RNF125: variants seen among roughly 807,000 people sequenced by gnomAD.
RNF125 encodes E3 ubiquitin-protein ligase RNF125.
RNF125 carries 21 observed loss-of-function variants against 26.0 expected under a neutral mutation model. The observed-to-expected ratio is 0.81, with a 90% CI of 0.57 to 1.16. The LOEUF is 1.16. Ranked by LOEUF, RNF125 falls within the 50% of genes most tolerant of loss-of-function variation. RNF125 has a pLI of 0.00. For synonymous variants in RNF125, 95 were observed against 109.2 expected (o/e 0.87, Z 0.81); for missense variants, 270 against 299.4 (o/e 0.90, Z 0.72).
rs2039524806 is a variant in RNF125 at position 32,070,545 on chromosome 18, C to T, written c.*2161C>T. 1 of 152,156 alleles carries T rather than the reference C, an allele frequency of 6.6e-6. No individual in the cohort carries two copies. Among genetic ancestry groups the T allele is most frequent in the Non-Finnish European group, 1.5e-5 (1 of 68,040 alleles). The allele number at this position is 152,156 out of a possible 1,614,324, so 9.4% of individuals were successfully genotyped here. A position where few individuals can be genotyped will look rare whatever the true frequency, so the allele number is the denominator to read the frequency against. ...TACTGAAAGTCCTGGTTTTCAAGAACACAGGGCACGATAGAATTAGAACAT... is the reference window on the plus strand; with the variant it reads ...TACTGAAAGTCCTGGTTTTCAAGAATACAGGGCACGATAGAATTAGAACAT... On this transcript the variant is annotated 3_prime_UTR_variant, in exon 6 of 6. Coordinates refer to ENST00000217740, the MANE Select transcript of RNF125 (RefSeq NM_017831.4).
intron 4 of RNF125, among the ~76,000 whole-genome samples, chr18:32,046,016 T>A (rs2039266761): frequency 6.6e-6 from 1 of 151,568 alleles, no homozygotes; most frequent in Admixed American, 6.6e-5. Context: ...AGATCTAAGT[T>A]TACCAGCTGG....
rs1241357691 is a variant in RNF125, at chr18:32,069,157, C to T, written c.*773C>T. The T allele has an allele frequency of 4.1e-5, 6 of 145,172 alleles. No individual in the cohort carries two copies. Among genetic ancestry groups the T allele is most frequent in the African/African-American group, 1.6e-4 (6 of 38,686 alleles). The allele number at this position is 145,172 out of a possible 1,614,324, so 9.0% of individuals were successfully genotyped here. A position where few individuals can be genotyped will look rare whatever the true frequency, so the allele number is the denominator to read the frequency against. ...CAGAGGTTACAGTGAGCTGAGATCGCACCAGTACACTCCAGCCTGGGTAAC... is the reference window on the plus strand; with the variant it reads ...CAGAGGTTACAGTGAGCTGAGATCGTACCAGTACACTCCAGCCTGGGTAAC... On this transcript the variant is annotated 3_prime_UTR_variant, in exon 6 of 6. Transcript: ENST00000217740.
In RNF125 at chr18:32,042,188, A is replaced by C; in HGVS notation, c.328A>C (p.Ser110Arg). Residue 110 changes from serine to arginine, a missense_variant, in exon 3 of 6, where the codon AGT becomes CGT. Ser to Arg is a moderately radical substitution (Grantham distance 110, BLOSUM62 -1). Coordinates refer to ENST00000217740, the MANE Select transcript of RNF125 (RefSeq NM_017831.4). ...ATTTGTTTTTATGTAGGTTTGCCTC[A>C]GTGAAATGAGGGCACATATTCGGAC... ...CAECDTLVCLSEMRAHIRTCQ... is the reference protein window; with the variant it reads ...CAECDTLVCLREMRAHIRTCQ... The C allele has an allele frequency of 6.2e-7, 1 of 1,612,308 alleles. No homozygotes were observed. Among genetic ancestry groups the C allele is most frequent in the Non-Finnish European group, 8.5e-7 (1 of 1,178,596 alleles).
intron 3 of RNF125, among the ~76,000 whole-genome samples, chr18:32,043,010 G>A (rs914791757): frequency 3.4e-4 from 52 of 151,614 alleles, no homozygotes; most frequent in African/African-American, 1.1e-3. Context: ...TTAGCTGGGC[G>A]TGGTGGCGCA....
rs1201999709 is a variant in RNF125 at position 32,072,121 on chromosome 18, A to C, written c.*3737A>C. The C allele has an allele frequency of 6.6e-6, 1 of 152,276 alleles. No homozygotes were observed. The highest frequency in any genetic ancestry group is 1.5e-5 in the Non-Finnish European group (1 of 68,094). The allele number at this position is 152,276 out of a possible 1,614,324, so 9.4% of individuals were successfully genotyped here. Reference sequence around the variant, plus strand: ...GAGGCTGAGGTTGGAGGATCACTTGAGCCTAGGAGGTCAACACTGCAGTGA... The same window carrying C: ...GAGGCTGAGGTTGGAGGATCACTTGCGCCTAGGAGGTCAACACTGCAGTGA... On this transcript the variant is annotated 3_prime_UTR_variant, in exon 6 of 6. Transcript: ENST00000217740.
intron 4 of RNF125, among the ~76,000 whole-genome samples, chr18:32,051,658 T>C (rs1307868803): frequency 1.4e-5 from 2 of 147,294 alleles, no homozygotes; most frequent in East Asian, 4.0e-4. Context: ...CCATTCACCC[T>C]GATTCAGGGG....
At chr18:32,076,143 GC>G (rs1295491315), downstream of RNF125, 12 of 578,950 alleles carry the variant, frequency 2.1e-5, no homozygotes, top group Admixed American at 4.7e-5. Context: ...ATGTAACCAT[GC>G]TTCATTATCA....
chr18:32,039,067 A>G (rs2039190593), intron 2 of RNF125, among the ~76,000 whole-genome samples: 1 of 147,296 alleles, frequency 6.8e-6, no homozygotes, highest in Admixed American at 6.8e-5. Context: ...TGCCCAGCCC[A>G]GGATTGTATC....
At position 32,068,783 on chromosome 18, in the gene RNF125, A is replaced by AC. The variant is rs2039507669; in HGVS notation, c.*400dup. On this transcript the variant is annotated 3_prime_UTR_variant, in exon 6 of 6. Coordinates refer to ENST00000217740, the MANE Select transcript of RNF125 (RefSeq NM_017831.4). Reference sequence around the variant, plus strand: ...TGTGTAAAAAAATATGGAGAGTGAAACAAAGTGCAGACATTCAAAGAAATA... The same window carrying AC: ...TGTGTAAAAAAATATGGAGAGTGAAACCAAAGTGCAGACATTCAAAGAAATA... 1.3e-5 allele frequency: 2 copies of AC among 157,448 alleles called. No homozygotes were observed. Among genetic ancestry groups the AC allele is most frequent in the African/African-American group, 4.8e-5 (2 of 41,564 alleles). 9.8% of individuals were successfully genotyped at this position (157,448 alleles called of 1,614,324 possible).
chr18:32,023,712 C>G lies in RNF125; in HGVS notation c.164+4685C>G, dbSNP rs568671123. On this transcript the variant is annotated intron_variant, in intron 1 of 5. Transcript: ENST00000217740. ...TATATTGCCATGAAATAGGAATACT[C>G]AAAACCCAGTTTGTGAATCCAAAGA... Among the ~76,000 whole-genome samples, 5 of 152,258 alleles carry G rather than the reference C, an allele frequency of 3.3e-5. No homozygotes were observed. The East Asian group carries it at 5.8e-4, about 18-fold the overall frequency.
In RNF125 at chr18:32,037,270, G is replaced by T; in HGVS notation, c.318+1G>T. 6.4e-7 allele frequency: 1 copy of T among 1,552,428 alleles called. No individual in the cohort carries two copies. The highest frequency in any genetic ancestry group is 1.4e-5 in the African/African-American group (1 of 71,302). On this transcript the variant is annotated splice_donor_variant, in intron 2 of 5. Transcript: ENST00000217740. LOFTEE classifies it high-confidence loss of function. The stretch of plus-strand genomic sequence containing the variant: ...GAACTGCGCTGAGTGTGACACCCTG[G>T]TATGTATGTGACCCCACCTATTTTC...
chr18:32,075,630 T>C (rs1438933762), downstream of RNF125, among the ~76,000 whole-genome samples: 2 of 145,978 alleles, frequency 1.4e-5, no homozygotes, highest in Admixed American at 7.2e-5. Flanking sequence ...GAGGTGGAGG[T>C]TGCAGTGAGC....
Position 32,033,285 on chromosome 18 carries a change from C to T in RNF125, c.165-3831C>T, listed in dbSNP as rs1011768193. On this transcript the variant is annotated intron_variant, in intron 1 of 5. Transcript: ENST00000217740. ...TTGTCAAAGTCAGGGAATCCCTTCT[C>T]CTGGGAGCCAAGAGGAAGCCTCTCA... Among the ~76,000 whole-genome samples the T allele has an allele frequency of 6.6e-5, 10 of 151,936 alleles. 1 individual carries two copies. Among genetic ancestry groups the T allele is most frequent in the Admixed American group, 6.6e-4 (10 of 15,252 alleles).
chr18:32,063,195 G>A (rs2144511984), intron 4 of RNF125, among the ~76,000 whole-genome samples: 1 of 147,736 alleles, frequency 6.8e-6, no homozygotes, highest in South Asian at 2.1e-4. Flanking sequence ...ACTCCAGCCT[G>A]GGCAACAAGA....
chr18:32,042,032 T>A (rs2039225708), intron 2 of RNF125, 147 bp from the exon 3 acceptor site: 1 of 638,220 alleles, frequency 1.6e-6, no homozygotes, highest in South Asian at 1.7e-5. Flanking sequence ...TGCCTTAATT[T>A]TTGGTGGTAC....
chr18:32,045,316 T>C (rs1442919147), intron 3 of RNF125, among the ~76,000 whole-genome samples: 5 of 152,002 alleles, frequency 3.3e-5, no homozygotes, highest in African/African-American at 9.7e-5. Flanking sequence ...CCCAGCACTT[T>C]GGGAGGCCGA....
At chr18:32,050,960 C>T (rs1468770889) in intron 4 of RNF125, among the ~76,000 whole-genome samples, 4 of 129,098 alleles carry the variant, frequency 3.1e-5, no homozygotes, top group Admixed American at 9.9e-5. Context: ...TGAGCTCAAG[C>T]GATCTGCTCT....
chr18:32,065,263 G>A (rs2039473451), intron 4 of RNF125, among the ~76,000 whole-genome samples: 1 of 152,124 alleles, frequency 6.6e-6, no homozygotes, highest in Non-Finnish European at 1.5e-5. Context: ...TTGAGACAGA[G>A]TTTTGCTCTT....
intron 2 of RNF125, 127 bp from the exon 3 acceptor site, chr18:32,042,052 G>A (rs1189092688): frequency 2.9e-6 from 2 of 678,396 alleles, no homozygotes; most frequent in Non-Finnish European, 5.2e-6. Flanking sequence ...CTGGTGTTAC[G>A]AATGCATCTA....
Sources: allele counts gnomAD v4.1 joint callset (sites outside exome capture counted in the v4.1 genomes callset), GRCh38; gene constraint gnomAD v4.1.1; transcripts MANE v1.5; gene names NCBI Gene and HGNC (gene_info 2026-07-23, HGNC 2026-07-21).